Variants in MDFIC observed in about 807,000 individuals in gnomAD.
MDFIC encodes MyoD family inhibitor domain containing.
Under a neutral mutation model 23.2 loss-of-function variants are expected in MDFIC, and 17 were observed. That is an observed-to-expected ratio of 0.73 (90% CI 0.50 to 1.10). MDFIC has a LOEUF of 1.10. Ranked by LOEUF, MDFIC falls within the 50% of genes least tolerant of loss-of-function variation. The pLI, the probability that MDFIC is intolerant of heterozygous loss-of-function variation, is 0.00. For synonymous variants in MDFIC, 120 were observed against 115.2 expected (o/e 1.04, Z -0.27); for missense variants, 356 against 316.6 (o/e 1.12, Z -0.95).
intron 3 of MDFIC, among the ~76,000 whole-genome samples, chr7:114,967,874 G>T (rs1380630511): frequency 5.6e-5 from 8 of 142,484 alleles, no homozygotes; most frequent in African/African-American, 1.8e-4. Flanking sequence ...CTCTTTGTTG[G>T]CCAGGCTGGA....
rs1414344333 is a variant in MDFIC, at chr7:114,998,847, A to T, written c.494-16841A>T. ...AATTAATTTCGGACATTAAGTTTTTAAAAAAGAAGATTTCAAAGGAATAGG... is the reference window on the plus strand; with the variant it reads ...AATTAATTTCGGACATTAAGTTTTTTAAAAAGAAGATTTCAAAGGAATAGG... On this transcript the variant is annotated intron_variant, in intron 4 of 4. Transcript: ENST00000393486. Among the ~76,000 whole-genome samples, 4 of 152,300 alleles carry T rather than the reference A, an allele frequency of 2.6e-5. No homozygotes were observed. In the East Asian group the frequency reaches 7.7e-4, roughly 29 times the overall value.
At chr7:114,977,733 T>A (rs535107620) in intron 3 of MDFIC, among the ~76,000 whole-genome samples, 1 of 152,108 alleles carries the variant, frequency 6.6e-6, no homozygotes, top group East Asian at 1.9e-4. Context: ...TTTGTGCTTA[T>A]GCTATTAAAA....
intron 2 of MDFIC, among the ~76,000 whole-genome samples, chr7:114,941,631 C>A (rs1327702095): frequency 6.6e-6 from 1 of 152,108 alleles, no homozygotes; most frequent in African/African-American, 2.4e-5. Flanking sequence ...TGCATTATAC[C>A]TTGTTGCCAG....
At chr7:114,988,984 G>T (rs1014654513) in intron 4 of MDFIC, among the ~76,000 whole-genome samples, 1 of 152,152 alleles carries the variant, frequency 6.6e-6, no homozygotes, top group Non-Finnish European at 1.5e-5. Context: ...GGTTCAGCTT[G>T]TGTGCTTGGG....
At chr7:115,005,253 T>C (rs1413606160) in intron 4 of MDFIC, among the ~76,000 whole-genome samples, 2 of 152,194 alleles carry the variant, frequency 1.3e-5, no homozygotes, top group Non-Finnish European at 2.9e-5. Context: ...TGGTTTTAAG[T>C]TTCCAGCATC....
intron 2 of MDFIC, 114 bp downstream of exon 2, chr7:114,923,241 T>C: frequency 7.3e-7 from 1 of 1,375,422 alleles, no homozygotes; most frequent in South Asian, 1.3e-5. Flanking sequence ...CTCCCACTCG[T>C]AGTTGAGAAC....
intron 4 of MDFIC, among the ~76,000 whole-genome samples, chr7:114,985,468 T>TTCTC (rs200559967): frequency 1.3e-5 from 2 of 151,060 alleles, no homozygotes; most frequent in African/African-American, 4.9e-5. Context: ...CTTTTTTCTT[T>TTCTC]TCTCTCTCTC....
intron 4 of MDFIC, chr7:115,014,199 C>G (rs1267317366): frequency 1.0e-6 from 1 of 985,180 alleles, no homozygotes; most frequent in Admixed American, 6.2e-5. Context: ...TGCAGAGAAA[C>G]AGAGGGGTGT....
intron 3 of MDFIC, among the ~76,000 whole-genome samples, chr7:114,952,832 A>G (rs148802405): frequency 1.2e-3 from 178 of 152,282 alleles, no homozygotes; most frequent in African/African-American, 4.1e-3. Context: ...AGATATTAAT[A>G]TATCATTTAT....
chr7:114,958,870 G>A (rs751018050), intron 3 of MDFIC, among the ~76,000 whole-genome samples: 2 of 151,994 alleles, frequency 1.3e-5, no homozygotes, highest in African/African-American at 2.4e-5. Flanking sequence ...ATCTTCCTCC[G>A]GTTTGCTTAT....
At chr7:114,946,663 T>C (rs530347056) in intron 3 of MDFIC, among the ~76,000 whole-genome samples, 3 of 152,376 alleles carry the variant, frequency 2.0e-5, no homozygotes, top group African/African-American at 7.2e-5. Context: ...TTATTCATTT[T>C]GAAGAGTTTT....
intron 2 of MDFIC, among the ~76,000 whole-genome samples, chr7:114,934,876 A>G (rs574338074): frequency 2.6e-5 from 4 of 152,246 alleles, no homozygotes; most frequent in South Asian, 2.1e-4. Context: ...TAGGCAAAGT[A>G]GGTTGGTTTT....
Position 114,975,431 on chromosome 7 carries a change from T to C in MDFIC, c.218-4075T>C, listed in dbSNP as rs1205125969. On this transcript the variant is annotated intron_variant, in intron 3 of 4. Transcript: ENST00000393486. ...TGGTCTATGGTCTACTTTTGAGAGC[T>C]GTCACATATGTAAAGATTTGAAAAA... Among the ~76,000 whole-genome samples the C allele has an allele frequency of 5.3e-5, 8 of 152,104 alleles. No homozygotes were observed. In the East Asian group the frequency reaches 1.5e-3, roughly 29 times the overall value.
At chr7:114,955,369 T>C (rs938966930) in intron 3 of MDFIC, among the ~76,000 whole-genome samples, 2 of 152,232 alleles carry the variant, frequency 1.3e-5, no homozygotes, top group Non-Finnish European at 2.9e-5. Context: ...TTCACTCATG[T>C]TACCCATCTC....
At chr7:114,926,599 A>G (rs1045937320) in intron 2 of MDFIC, among the ~76,000 whole-genome samples, 2 of 152,130 alleles carry the variant, frequency 1.3e-5, no homozygotes, top group Middle Eastern at 3.4e-3. Context: ...GATTTAATGC[A>G]CTCTTCTCTC....
chr7:114,950,045 A>C (rs1274014095), intron 3 of MDFIC, among the ~76,000 whole-genome samples: 1 of 152,166 alleles, frequency 6.6e-6, no homozygotes, highest in African/African-American at 2.4e-5. Flanking sequence ...TCTGTTAAAG[A>C]CTAAGGGAAG....
intron 1 of MDFIC, 63 bp from the exon 2 acceptor site, chr7:114,922,864 C>A: frequency 6.7e-7 from 1 of 1,498,432 alleles, no homozygotes; most frequent in South Asian, 1.2e-5. Context: ...GAACGTCCCG[C>A]AGGGGTGGTG....
rs144063419 is a variant in MDFIC at position 114,934,228 on chromosome 7, G to C, written c.95-8047G>C. Among the ~76,000 whole-genome samples the C allele has an allele frequency of 1.7e-3, 255 of 152,196 alleles. 1 individual carries two copies. Among genetic ancestry groups the C allele is most frequent in the African/African-American group, 5.9e-3 (244 of 41,518 alleles). The stretch of plus-strand genomic sequence containing the variant: ...TCAATCATCCTAAACATTTATTGTT[G>C]GGGTAAGGTACAGTAAGTTTAGATG... On this transcript the variant is annotated intron_variant, in intron 2 of 4. Coordinates refer to ENST00000393486, the MANE Select transcript of MDFIC (RefSeq NM_001166345.3).
intron 3 of MDFIC, among the ~76,000 whole-genome samples, chr7:114,946,809 C>T (rs1000502965): frequency 6.6e-6 from 1 of 152,130 alleles, no homozygotes; most frequent in Non-Finnish European, 1.5e-5. Flanking sequence ...CTCTTGGCAT[C>T]ATCTGCAATT....
Sources: gnomAD v4.1 joint callset for allele counts (sites outside exome capture counted in the v4.1 genomes callset) on GRCh38, gnomAD v4.1.1 for gene constraint, MANE v1.5 for transcripts, NCBI Gene and HGNC (gene_info 2026-07-23, HGNC 2026-07-21) for gene names.